DYNC1H1: variants seen among roughly 807,000 people sequenced by gnomAD.
The protein encoded by DYNC1H1 is dynein cytoplasmic 1 heavy chain 1, also known as cytoplasmic dynein 1 heavy chain 1.
In DYNC1H1, 51 loss-of-function variants were observed where a neutral mutation model predicts 527.1. That is an observed-to-expected ratio of 0.10 (90% CI 0.08 to 0.12). The LOEUF is 0.12. Ranked by LOEUF, DYNC1H1 falls within the 10% of genes least tolerant of loss-of-function variation. The pLI is 1.00. For missense variants in DYNC1H1, 2,771 were observed against 5,971.8 expected, an observed-to-expected ratio of 0.46 and a Z score of 17.66; for synonymous variants, 2,189 against 2,278.8, an observed-to-expected ratio of 0.96 and a Z score of 1.12.
chr14:102,040,042 T>C (rs1387460043), intron 62 of DYNC1H1, among the ~76,000 whole-genome samples, 194 bp from the exon 63 acceptor site: 1 of 152,172 alleles, frequency 6.6e-6, no homozygotes, highest in Non-Finnish European at 1.5e-5. Context: ...GTTTTCTTCA[T>C]GTTGGCAGCC....
intron 10 of DYNC1H1, among the ~76,000 whole-genome samples, chr14:101,991,261 G>A (rs867085286): frequency 3.7e-4 from 57 of 152,204 alleles, no homozygotes; most frequent in Middle Eastern, 6.8e-3. Flanking sequence ...ATCACCTGAG[G>A]TCAGGAGTTT....
At position 102,016,080 on chromosome 14, in the gene DYNC1H1, C is replaced by T. The variant is rs772321409; in HGVS notation, c.7467C>T (p.Tyr2489=). 3.7e-6 allele frequency: 6 copies of T among 1,606,666 alleles called. No individual in the cohort carries two copies. The East Asian group carries it at 1.4e-4, about 36-fold the overall frequency. The part of the protein sequence containing the change: ...FPMQIEQLER[Y]IQRYLVYAIL... Reference sequence around the variant, plus strand: ...TGCAGATCGAGCAGCTGGAGCGCTACATTCAGGTCAGGGGGCATCAGGGGC... The same window carrying T: ...TGCAGATCGAGCAGCTGGAGCGCTATATTCAGGTCAGGGGGCATCAGGGGC... The change falls in exon 36 of 78, where the codon TAC becomes TAT. Residue 2489 remains tyrosine (Y), a synonymous_variant. Transcript: ENST00000360184. This position sits in a 1 kb window ranked among gnomAD's most constrained non-coding sequence, Gnocchi z 7.3.
intron 29 of DYNC1H1, 140 bp from the exon 30 acceptor site, chr14:102,009,703 A>G (rs2152577309): frequency 7.3e-7 from 1 of 1,374,208 alleles, no homozygotes; most frequent in South Asian, 1.3e-5. Flanking sequence ...AGAAAGGCCA[A>G]AGAGCAGCCC....
At chr14:102,040,923 A>G (rs1274988907) in intron 64 of DYNC1H1, 5 of 555,602 alleles carry the variant, frequency 9.0e-6, no homozygotes, top group African/African-American at 7.5e-5. Flanking sequence ...GCACCACTGC[A>G]CTCCAGCCTG....
rs765088845 is a variant in DYNC1H1 at position 102,049,489 on chromosome 14, C to T, written c.13422C>T (p.Thr4474=). The part of the protein sequence containing the change: ...WSHYTVPAGM[T]VIQWVSDFSE... ...ACTACACGGTGCCTGCCGGCATGAC[C>T]GTCATCCAGTGGGTGTCCGACTTCA... The change falls in exon 75 of 78, where the codon ACC becomes ACT. Residue 4474 remains threonine (T), a synonymous_variant. Coordinates refer to ENST00000360184, the MANE Select transcript of DYNC1H1 (RefSeq NM_001376.5). This position sits in a 1 kb window ranked among gnomAD's most constrained non-coding sequence, Gnocchi z 5.5. The T allele has an allele frequency of 5.0e-6, 8 of 1,614,078 alleles. No homozygotes were observed. Among genetic ancestry groups the T allele is most frequent in the East Asian group, 2.2e-5 (1 of 44,896 alleles).
rs2048353145 is a variant in DYNC1H1, at chr14:102,018,734, G to A, written c.8343+118G>A. On this transcript the variant is annotated intron_variant, in intron 41 of 77. Transcript: ENST00000360184. The surrounding 1 kb of genome is among the most constrained non-coding windows in gnomAD (Gnocchi z 5.2). The stretch of plus-strand genomic sequence containing the variant: ...CCAGCATTTTGGGAGGCCAAGGTGG[G>A]TGGATCCTTTGAGCCCAGGAGTTTG... 4.1e-5 allele frequency: 57 copies of A among 1,386,870 alleles called. 1 individual carries two copies. In the South Asian group the frequency reaches 6.4e-4, roughly 16 times the overall value. The allele number at this position is 1,386,870 out of a possible 1,614,324, so 85.9% of individuals were successfully genotyped here.
Position 102,054,930 on chromosome 14 carries a change from C to T in DYNC1H1, c.*4367C>T, listed in dbSNP as rs1423488980. ...GTTGCCCAGGCTGGTCTCCTGGGCT[C>T]AAGTGATCCACCCACCTTGGTCTCC... is the stretch of plus-strand genomic sequence containing the variant. On this transcript the variant is annotated 3_prime_UTR_variant, in exon 78 of 78. Coordinates refer to ENST00000360184, the MANE Select transcript of DYNC1H1 (RefSeq NM_001376.5). The T allele has an allele frequency of 6.6e-6, 1 of 152,398 alleles. No homozygotes were observed. Among genetic ancestry groups the T allele is most frequent in the African/African-American group, 2.4e-5 (1 of 41,418 alleles). The allele number at this position is 152,398 out of a possible 1,614,324, so 9.4% of individuals were successfully genotyped here. A position where few individuals can be genotyped will look rare whatever the true frequency, so the allele number is the denominator to read the frequency against.
chr14:101,970,633 C>T (rs1040579376), intron 1 of DYNC1H1, among the ~76,000 whole-genome samples: 2 of 151,730 alleles, frequency 1.3e-5, no homozygotes, highest in African/African-American at 4.8e-5. Flanking sequence ...CAGGCATGTG[C>T]CACCACGTCT....
intron 72 of DYNC1H1, among the ~76,000 whole-genome samples, chr14:102,046,183 G>T (rs200841578): frequency 6.7e-6 from 1 of 148,628 alleles, no homozygotes; most frequent in Non-Finnish European, 1.5e-5. Context: ...AAAAAAAAAA[G>T]AAATGCGGGT....
chr14:102,037,164 G>A (rs935310161), intron 57 of DYNC1H1: 7 of 173,906 alleles, frequency 4.0e-5, no homozygotes, highest in Non-Finnish European at 7.4e-5. Flanking sequence ...GGTGGCTTAT[G>A]CCTGTAATCC....
In DYNC1H1 at chr14:101,986,663, A is replaced by G. The variant is rs1364337730; in HGVS notation, c.2438A>G (p.Gln813Arg). ...LLVAGLKKEV[Q>R]ALIAEGIALV... ...GTGGCTGGCTTGAAAAAGGAAGTGC[A>G]GGCCCTGATCGCAGAAGGCATTGCG... The change falls in exon 8 of 78, where the codon CAG (glutamine) becomes CGG (arginine). Residue 813 changes from glutamine to arginine, a missense_variant. By Grantham distance (43) the Gln-to-Arg change is conservative. Coordinates refer to ENST00000360184, the MANE Select transcript of DYNC1H1 (RefSeq NM_001376.5). This position sits in a 1 kb window ranked among gnomAD's most constrained non-coding sequence, Gnocchi z 8.7. 1.9e-6 allele frequency: 3 copies of G among 1,613,746 alleles called. No homozygotes were observed. The highest frequency in any genetic ancestry group is 2.5e-6 in the Non-Finnish European group (3 of 1,179,776).
chr14:101,999,421 G>A lies in DYNC1H1; in HGVS notation c.3805-568G>A, dbSNP rs147687723. Among the ~76,000 whole-genome samples, 950 of 152,312 alleles carry A rather than the reference G, an allele frequency of 6.2e-3. 3 individuals are homozygous for A. Among genetic ancestry groups the A allele is most frequent in the Admixed American group, 9.4e-3 (144 of 15,288 alleles). ...ACCTCCCAAAGTGCTAGGATTACAG[G>A]CGTTAGCCACCACGTCCAGCCTAAG... On this transcript the variant is annotated intron_variant, in intron 16 of 77. Coordinates refer to ENST00000360184, the MANE Select transcript of DYNC1H1 (RefSeq NM_001376.5).
intron 34 of DYNC1H1, among the ~76,000 whole-genome samples, chr14:102,014,084 C>T (rs2048291847): frequency 6.6e-6 from 1 of 152,236 alleles, no homozygotes; most frequent in Non-Finnish European, 1.5e-5. Context: ...TCCTCTCTGA[C>T]AGCTGATCCA....
intron 1 of DYNC1H1, among the ~76,000 whole-genome samples, chr14:101,974,730 T>C (rs2047780453): frequency 6.6e-6 from 1 of 152,218 alleles, no homozygotes; most frequent in Admixed American, 6.5e-5. Flanking sequence ...AGACATGGTT[T>C]CACCATGTTG....
intron 43 of DYNC1H1, among the ~76,000 whole-genome samples, chr14:102,025,933 T>C (rs2048444878): frequency 6.6e-6 from 1 of 152,120 alleles, no homozygotes; most frequent in East Asian, 1.9e-4. Context: ...CTGGCCAACG[T>C]GGTGAAACCC....
intron 72 of DYNC1H1, among the ~76,000 whole-genome samples, chr14:102,045,858 C>T (rs1435000712): frequency 6.6e-6 from 1 of 152,002 alleles, no homozygotes. Flanking sequence ...GCAGCCTCCC[C>T]AGAACTTCTT....
Position 102,033,072 on chromosome 14 carries a change from A to G in DYNC1H1, c.10087A>G (p.Ile3363Val). 1.2e-6 allele frequency: 2 copies of G among 1,613,972 alleles called. No individual in the cohort carries two copies. Among genetic ancestry groups the G allele is most frequent in the Non-Finnish European group, 1.7e-6 (2 of 1,179,838 alleles). The change falls in exon 53 of 78, where the codon ATA becomes GTA. Residue 3363 changes from isoleucine to valine, a missense_variant. Physicochemically the swap from Ile to Val is conservative, Grantham distance 29. This residue lies in a region of DYNC1H1 where 283 missense variants were observed against 737.6 expected (regional missense o/e 0.38). Transcript: ENST00000360184. The surrounding 1 kb of genome is among the most constrained non-coding windows in gnomAD (Gnocchi z 5.6). ...ATCATTCGTCTTTTACAGTGACGCC[A>G]TAAGGGAGAAGATGAAGAAAAATTA... ...NFSAEEISDAIREKMKKNYMS... is the reference protein window; with the variant it reads ...NFSAEEISDAVREKMKKNYMS...
At chr14:102,034,783 A>T (rs1322400074) in intron 56 of DYNC1H1, 2 of 400,358 alleles carry the variant, frequency 5.0e-6, no homozygotes, top group African/African-American at 2.1e-5. Context: ...AAAATTAGCC[A>T]GGCGTGGTGG....
At chr14:101,972,085 C>T (rs907906345) in intron 1 of DYNC1H1, among the ~76,000 whole-genome samples, 1 of 152,086 alleles carries the variant, frequency 6.6e-6, no homozygotes, top group Non-Finnish European at 1.5e-5. Flanking sequence ...TCAAATTTTA[C>T]TGAAAGTGGT....
Sources: gnomAD v4.1 joint callset for allele counts (sites outside exome capture counted in the v4.1 genomes callset) on GRCh38, gnomAD v4.1.1 for gene constraint, gnomAD v4.1.1 regional missense constraint, Gnocchi (gnomAD v3.1) non-coding constraint, MANE v1.5 for transcripts, NCBI Gene and HGNC (gene_info 2026-07-23, HGNC 2026-07-21) for gene names.